LARGE1: variants seen among roughly 807,000 people sequenced by gnomAD.
The protein encoded by LARGE1 is xylosyl- and glucuronyltransferase LARGE1.
In LARGE1, 43 loss-of-function variants were observed where a neutral mutation model predicts 87.6. That is an observed-to-expected ratio of 0.49 (90% confidence interval 0.38 to 0.63). The LOEUF (loss-of-function observed/expected upper bound fraction) is 0.63, where lower values mean the gene tolerates loss of function less well. Ranked by LOEUF, LARGE1 falls within the 30% of genes least tolerant of loss-of-function variation. The probability of loss-of-function intolerance (pLI) is 0.00; values close to 1 mark genes in which losing one functional copy is unlikely to be tolerated. For missense variants in LARGE1, 802 were observed against 1,000.2 expected (o/e 0.80, Z 2.67); for synonymous variants, 434 against 394.6 (o/e 1.10, Z -1.18).
intron 1 of LARGE1, among the ~76,000 whole-genome samples, chr22:33,846,250 C>T (rs544387635): frequency 6.6e-5 from 10 of 152,314 alleles, no homozygotes; most frequent in African/African-American, 2.4e-4. Flanking sequence ...TTTATTAGTT[C>T]CCCAAATTAA....
Position 33,169,810 on chromosome 22 carries a change from C to T in LARGE1, c.1731-2978G>A, listed in dbSNP as rs1218071455. 2.0e-5 allele frequency among the ~76,000 whole-genome samples: 3 copies of T among 151,580 alleles called. No individual in the cohort carries two copies. In the East Asian group the frequency reaches 5.9e-4, roughly 30 times the overall value. On this transcript the variant is annotated intron_variant, in intron 11 of 11. Coordinates refer to the LARGE1 transcript ENST00000608642. The stretch of plus-strand genomic sequence containing the variant: ...AGGTTGCAGTGAGCCAAGATCTTGC[C>T]AATGCACTCCAGCCTGGGTGATAGA...
rs558047983 is a variant in LARGE1 at position 33,557,154 on chromosome 22, A to G, written c.787+7694T>C. Among the ~76,000 whole-genome samples, 8 of 152,346 alleles carry G rather than the reference A, an allele frequency of 5.3e-5. No homozygotes were observed. In the East Asian group the frequency reaches 1.3e-3, roughly 26 times the overall value. On this transcript the variant is annotated intron_variant, in intron 6 of 14. Coordinates refer to ENST00000397394, the MANE Select transcript of LARGE1 (RefSeq NM_133642.5). ...TGTATCATTCTCTCATTTTTATAGAACAACAACAAAAACGAGGCTCTGAGA... is the reference window on the plus strand; with the variant it reads ...TGTATCATTCTCTCATTTTTATAGAGCAACAACAAAAACGAGGCTCTGAGA...
intron 8 of LARGE1, among the ~76,000 whole-genome samples, chr22:33,383,298 G>A (rs1273005818): frequency 1.3e-5 from 2 of 152,170 alleles, no homozygotes; most frequent in Non-Finnish European, 2.9e-5. Context: ...AGAGACTCAT[G>A]CCTGTAATCC....
rs5998948 is a variant in LARGE1 at position 33,454,391 on chromosome 22, G to A, written c.788-22126C>T. On this transcript the variant is annotated intron_variant, in intron 6 of 14. Transcript: ENST00000397394. ...TCTCAGCACTTTGGGAGGCTGAGGCGGGTGGATCACGAGGTCAGGAGATTG... is the reference window on the plus strand; with the variant it reads ...TCTCAGCACTTTGGGAGGCTGAGGCAGGTGGATCACGAGGTCAGGAGATTG... Among the ~76,000 whole-genome samples, 1,043 of 152,026 alleles carry A rather than the reference G, an allele frequency of 6.9e-3. 15 individuals are homozygous for A. The highest frequency in any genetic ancestry group is 0.024 in the African/African-American group (975 of 41,452).
At chr22:33,490,140 T>G (rs890620808) in intron 6 of LARGE1, among the ~76,000 whole-genome samples, 11 of 152,260 alleles carry the variant, frequency 7.2e-5, no homozygotes, top group Admixed American at 6.5e-4. Flanking sequence ...AAATTATAAA[T>G]AACTTGATTA....
intron 2 of LARGE1, among the ~76,000 whole-genome samples, chr22:33,659,744 T>TTAA (rs374435141): frequency 2.5e-5 from 3 of 122,080 alleles, no homozygotes; most frequent in African/African-American, 9.3e-5. Context: ...GAAGAACAGT[T>TTAA]AAAAAAAAAA....
intron 2 of LARGE1, among the ~76,000 whole-genome samples, chr22:33,698,976 G>A (rs2082331666): frequency 6.6e-6 from 1 of 152,104 alleles, no homozygotes; most frequent in Non-Finnish European, 1.5e-5. Context: ...CACATAGCAC[G>A]AACTCCATAA....
intron 12 of LARGE1, among the ~76,000 whole-genome samples, chr22:33,293,366 A>G (rs533509451): frequency 2.6e-5 from 4 of 152,360 alleles, no homozygotes; most frequent in African/African-American, 9.6e-5. Context: ...TTTCAGTTTA[A>G]TGATAAAGAT....
At chr22:33,317,502 C>T (rs913544085) in intron 10 of LARGE1, among the ~76,000 whole-genome samples, 2 of 152,158 alleles carry the variant, frequency 1.3e-5, no homozygotes, top group African/African-American at 4.8e-5. Context: ...TTTCTTTGAA[C>T]TCTCTGAAAG....
At chr22:33,218,098 C>T (rs28707039) in intron 11 of LARGE1, among the ~76,000 whole-genome samples, 4,017 of 151,930 alleles carry the variant, frequency 0.026, 176 homozygotes, top group African/African-American at 0.089. Flanking sequence ...CCCAGCTAAT[C>T]TGTGTATTTT....
chr22:33,132,198 T>A, the LARGE1 span, among the ~76,000 whole-genome samples: 2 of 152,240 alleles, frequency 1.3e-5, no homozygotes, highest in Non-Finnish European at 2.9e-5. Flanking sequence ...TTATTTATTT[T>A]TTTGAGACAG....
At chr22:33,169,968 A>G (rs1487263547) in intron 11 of LARGE1, among the ~76,000 whole-genome samples, 1 of 152,100 alleles carries the variant, frequency 6.6e-6, no homozygotes, top group Non-Finnish European at 1.5e-5. Context: ...GGAACTTGCT[A>G]TGGTCCAAAT....
intron 1 of LARGE1, among the ~76,000 whole-genome samples, chr22:33,770,887 A>G (rs984104546): frequency 5.3e-5 from 8 of 152,112 alleles, no homozygotes; most frequent in African/African-American, 1.9e-4. Context: ...CCGCGTGACC[A>G]TTCTCACATT....
chr22:33,827,199 A>G (rs1358190486), intron 1 of LARGE1, among the ~76,000 whole-genome samples: 3 of 147,760 alleles, frequency 2.0e-5, no homozygotes, highest in Non-Finnish European at 4.5e-5. Flanking sequence ...CGTCTCTATT[A>G]AAAATACAAA....
intron 6 of LARGE1, among the ~76,000 whole-genome samples, chr22:33,462,087 G>C (rs2068405043): frequency 6.6e-6 from 1 of 152,166 alleles, no homozygotes; most frequent in African/African-American, 2.4e-5. Context: ...TAACCATACA[G>C]ATTATACAAT....
chr22:33,770,526 T>C (rs1367638059), intron 1 of LARGE1, among the ~76,000 whole-genome samples: 1 of 151,696 alleles, frequency 6.6e-6, no homozygotes, highest in Non-Finnish European at 1.5e-5. Context: ...TCTAAAAAAA[T>C]GTAAAGACTT....
intron 2 of LARGE1, among the ~76,000 whole-genome samples, chr22:33,695,214 G>A (rs2082208183): frequency 6.7e-6 from 1 of 149,388 alleles, no homozygotes; most frequent in African/African-American, 2.5e-5. Flanking sequence ...AGTGATTCTT[G>A]TGCCTCAGCC....
chr22:33,364,348 T>C (rs149548981), intron 9 of LARGE1, among the ~76,000 whole-genome samples: 11,501 of 152,186 alleles, frequency 0.076, 510 homozygotes, highest in South Asian at 0.14. Flanking sequence ...TGAGCCACTG[T>C]GTCCGGCCTA....
At chr22:33,281,822 C>T (rs1456839381) in intron 13 of LARGE1, among the ~76,000 whole-genome samples, 1 of 152,174 alleles carries the variant, frequency 6.6e-6, no homozygotes, top group Non-Finnish European at 1.5e-5. Flanking sequence ...AAATGATAGC[C>T]TCTGAACTGT....
Sources: allele counts gnomAD v4.1 joint callset (sites outside exome capture counted in the v4.1 genomes callset), GRCh38; gene constraint gnomAD v4.1.1; transcripts MANE v1.5; gene names NCBI Gene and HGNC (gene_info 2026-07-23, HGNC 2026-07-21).